POLN: variants seen among roughly 807,000 people sequenced by gnomAD.
The protein encoded by POLN is DNA polymerase N.
In POLN, 108 loss-of-function variants were observed where a neutral mutation model predicts 113.5. That is an observed-to-expected ratio of 0.95 (90% confidence interval 0.81 to 1.12). The LOEUF is 1.12. Ranked by LOEUF, POLN falls within the 50% of genes most tolerant of loss-of-function variation. The pLI is 0.00. For missense variants in POLN, 1,097 were observed against 1,077.1 expected (o/e 1.02, Z -0.26); for synonymous variants, 386 against 391.5 (o/e 0.99, Z 0.17).
At chr4:2,192,826 T>C (rs867464166) in intron 7 of POLN, among the ~76,000 whole-genome samples, 1 of 150,300 alleles carries the variant, frequency 6.7e-6, no homozygotes, top group Non-Finnish European at 1.5e-5. Flanking sequence ...TATATATATA[T>C]ATTTAAAATC....
chr4:2,170,571 A>G, intron 13 of POLN, 108 bp downstream of exon 13: 1 of 924,448 alleles, frequency 1.1e-6, no homozygotes, highest in Non-Finnish European at 1.7e-6. Flanking sequence ...AACTGCTGCC[A>G]GCATGAGGGG....
rs917001792 is a variant in POLN, at chr4:2,127,359, C to A, written c.1982+754G>T. ...TGATGTATAAGCCAAACACAATAAT[C>A]CACTCCTCCTTTTTTCTGGAGTATA... On this transcript the variant is annotated intron_variant, in intron 19 of 25. Transcript: ENST00000511885. This position sits in a 1 kb window ranked among gnomAD's most constrained non-coding sequence, Gnocchi z 4.7. Among the ~76,000 whole-genome samples the A allele has an allele frequency of 3.3e-5, 5 of 152,140 alleles. No homozygotes were observed. The highest frequency in any genetic ancestry group is 1.2e-4 in the African/African-American group (5 of 41,432).
chr4:2,210,582 AAATAATAATAATAATAATAATAATAAT>A (rs376506693), intron 4 of POLN, among the ~76,000 whole-genome samples: 2 of 121,148 alleles, frequency 1.7e-5, no homozygotes, highest in Non-Finnish European at 3.3e-5. Context: ...GAAAGTCTCA[AAATAATAATAATAATAATAATAATAAT>A]AATAATAATA....
At chr4:2,136,802 T>C (rs544927043) in intron 16 of POLN, among the ~76,000 whole-genome samples, 9 of 151,682 alleles carry the variant, frequency 5.9e-5, no homozygotes, top group Admixed American at 2.6e-4. Context: ...ACTGGGGAGG[T>C]GGTGGAAATA....
At chr4:2,168,263 T>C (rs1028863614) in intron 13 of POLN, among the ~76,000 whole-genome samples, 2 of 152,030 alleles carry the variant, frequency 1.3e-5, no homozygotes, top group African/African-American at 4.8e-5. Context: ...CAAACATGGA[T>C]TCATGGAGGA....
chr4:2,146,639 G>A (rs1577721600), intron 16 of POLN, among the ~76,000 whole-genome samples: 1 of 152,188 alleles, frequency 6.6e-6, no homozygotes, highest in East Asian at 1.9e-4. Context: ...GGTGTGGGGA[G>A]GGGCAGGCAG....
At position 2,072,145 on chromosome 4, in the gene POLN, G is replaced by A. The variant is rs774167781; in HGVS notation, c.2672C>T (p.Pro891Leu). The A allele has an allele frequency of 3.0e-5, 48 of 1,612,926 alleles. No homozygotes were observed. In the East Asian group the frequency reaches 7.8e-4, roughly 26 times the overall value. Residue 891 changes from proline to leucine, a missense_variant, in exon 26 of 26, where the codon CCC becomes CTC. Coordinates refer to ENST00000511885, the MANE Select transcript of POLN (RefSeq NM_181808.4). ...ACAAAATGAAGGCGAAAAATGCAGG[G>A]GTGGGGGCTGGGTGCTGGCAGGGGA... is the stretch of plus-strand genomic sequence containing the variant. Reference protein sequence around the residue: ...PGSPASTQPPPLHFSPSFCL With the variant: ...PGSPASTQPPLLHFSPSFCL
At chr4:2,086,550 A>G (rs1314128060) in intron 20 of POLN, among the ~76,000 whole-genome samples, 1 of 152,214 alleles carries the variant, frequency 6.6e-6, no homozygotes, top group African/African-American at 2.4e-5. Context: ...GGAAGTTCTA[A>G]GCAGTGTGTG....
At chr4:2,163,934 A>C (rs1196342253) in intron 13 of POLN, among the ~76,000 whole-genome samples, 1 of 152,164 alleles carries the variant, frequency 6.6e-6, no homozygotes, top group Non-Finnish European at 1.5e-5. Flanking sequence ...AAGGCTGAAC[A>C]CTGGACCTCC....
At chr4:2,107,128 A>G (rs1216989709) in intron 19 of POLN, among the ~76,000 whole-genome samples, 1 of 152,084 alleles carries the variant, frequency 6.6e-6, no homozygotes, top group Non-Finnish European at 1.5e-5. Context: ...TTCTTCCAAT[A>G]CATTTTCTAA....
chr4:2,187,445 T>C (rs1298681661), intron 7 of POLN, among the ~76,000 whole-genome samples: 5 of 152,124 alleles, frequency 3.3e-5, no homozygotes, highest in Admixed American at 3.3e-4. Flanking sequence ...GGTTTCACCA[T>C]GTTGGCCAGG....
Position 2,128,183 on chromosome 4 carries a change from C to T in POLN, c.1912G>A (p.Asp638Asn). The T allele has an allele frequency of 6.2e-7, 1 of 1,612,708 alleles. No homozygotes were observed. The highest frequency in any genetic ancestry group is 8.5e-7 in the Non-Finnish European group (1 of 1,178,814). The change falls in exon 19 of 26, where the codon GAT becomes AAT. Residue 638 changes from aspartate (D) to asparagine (N), a missense_variant. Transcript: ENST00000511885. ...ELRILTHLSG[D>N]PELLKLFQES... ...TGGAATAACTTCAGAAGTTCCGGAT[C>T]TCCAGATAAATGTGTAAGAATGCGC...
intron 7 of POLN, among the ~76,000 whole-genome samples, chr4:2,180,982 T>A (rs964985799): frequency 2.0e-5 from 3 of 150,772 alleles, no homozygotes; most frequent in Admixed American, 2.0e-4. Context: ...AAAAGAAAAA[T>A]TATACAAAGA....
chr4:2,104,020 T>TA (rs559388196), intron 19 of POLN, among the ~76,000 whole-genome samples: 4 of 152,058 alleles, frequency 2.6e-5, no homozygotes, highest in Non-Finnish European at 5.9e-5. Context: ...CATGGAAACA[T>TA]ACAAAAGTAT....
intron 16 of POLN, among the ~76,000 whole-genome samples, chr4:2,150,528 C>A (rs1273027998): frequency 5.3e-5 from 8 of 152,102 alleles, no homozygotes; most frequent in Admixed American, 4.6e-4. Context: ...CCCAAAATAA[C>A]CTTTTTTTTT....
At chr4:2,085,352 G>GTATCTGTTTTTACC (rs1284389923) in intron 21 of POLN, among the ~76,000 whole-genome samples, 3 of 152,180 alleles carry the variant, frequency 2.0e-5, no homozygotes, top group African/African-American at 7.2e-5. Context: ...GTGCAGGCTT[G>GTATCTGTTTTTACC]TATCTGTTTT....
intron 21 of POLN, among the ~76,000 whole-genome samples, chr4:2,084,584 A>C (rs1190376023): frequency 4.6e-5 from 7 of 152,214 alleles, no homozygotes; most frequent in Non-Finnish European, 8.8e-5. Flanking sequence ...GTCTGCTGTG[A>C]GACCAACAAG....
At chr4:2,198,453 T>C (rs1378726612) in intron 6 of POLN, 71 bp downstream of exon 6, 3 of 1,360,538 alleles carry the variant, frequency 2.2e-6, no homozygotes, top group South Asian at 1.7e-5. Context: ...AAACTGGACC[T>C]TGAGCAAGTT....
intron 16 of POLN, among the ~76,000 whole-genome samples, chr4:2,131,678 A>C (rs1731731145): frequency 6.6e-6 from 1 of 152,176 alleles, no homozygotes; most frequent in South Asian, 2.1e-4. Flanking sequence ...TTAAGATGAA[A>C]ATTCTGGTCT....
Sources: gnomAD v4.1 joint callset for allele counts (sites outside exome capture counted in the v4.1 genomes callset) on GRCh38, gnomAD v4.1.1 for gene constraint, Gnocchi (gnomAD v3.1) non-coding constraint, MANE v1.5 for transcripts, NCBI Gene and HGNC (gene_info 2026-07-23, HGNC 2026-07-21) for gene names.